Variants in PATJ observed in about 807,000 individuals in gnomAD.
The protein encoded by PATJ is inaD-like protein.
In PATJ, 190 loss-of-function variants were observed where a neutral mutation model predicts 224.9. That is an observed-to-expected ratio of 0.84 (90% CI 0.75 to 0.95). The LOEUF is 0.95. Ranked by LOEUF, PATJ falls within the 40% of genes least tolerant of loss-of-function variation. PATJ has a pLI of 0.00. For synonymous variants in PATJ, 769 were observed against 820.3 expected (o/e 0.94, Z 1.07); for missense variants, 2,121 against 2,270.3 (o/e 0.93, Z 1.34).
intron 43 of PATJ, among the ~76,000 whole-genome samples, chr1:62,156,154 T>C (rs1262449725): frequency 6.9e-6 from 1 of 144,020 alleles, no homozygotes; most frequent in Non-Finnish European, 1.5e-5. Flanking sequence ...GGCAGGAGAA[T>C]AACTTGAGCC....
intron 27 of PATJ, among the ~76,000 whole-genome samples, chr1:61,981,399 G>T (rs1557985260): frequency 6.6e-6 from 1 of 151,952 alleles, no homozygotes; most frequent in Admixed American, 6.5e-5. Flanking sequence ...GATATTTTAG[G>T]TAGTAAGGGG....
At chr1:62,090,293 G>A (rs561101986) in intron 33 of PATJ, among the ~76,000 whole-genome samples, 207 of 152,106 alleles carry the variant, frequency 1.4e-3, no homozygotes, top group African/African-American at 4.7e-3. Context: ...TGGTGGATGC[G>A]GCTCTTCTGT....
chr1:61,779,959 A>G lies in PATJ; in HGVS notation c.849+4625A>G, dbSNP rs571690447. On this transcript the variant is annotated intron_variant, in intron 7 of 43. Transcript: ENST00000642238. ...ATCAGAGTGAGAACTCACTGCACTA[A>G]GTAAACGCACTGCAGAGAACTCAGA... Among the ~76,000 whole-genome samples, 30 of 152,234 alleles carry G rather than the reference A, an allele frequency of 2.0e-4. 1 individual carries two copies. The South Asian group carries it at 6.2e-3, about 32-fold the overall frequency.
intron 18 of PATJ, among the ~76,000 whole-genome samples, chr1:61,858,930 G>A (rs1664129949): frequency 1.3e-5 from 2 of 152,254 alleles, no homozygotes; most frequent in East Asian, 1.9e-4. Flanking sequence ...TATTTGGTGT[G>A]GGTATTGCCG....
At chr1:62,040,012 A>G (rs548943051) in intron 30 of PATJ, among the ~76,000 whole-genome samples, 1 of 151,690 alleles carries the variant, frequency 6.6e-6, no homozygotes, top group South Asian at 2.1e-4. Context: ...TCCTTTCTGG[A>G]TCTCTCCCAA....
At position 62,038,834 on chromosome 1, in the gene PATJ, T is replaced by C. The variant is rs573590558; in HGVS notation, c.4032+785T>C. 630 of 697,580 alleles carry C rather than the reference T, an allele frequency of 9.0e-4. 1 individual carries two copies. The highest frequency in any genetic ancestry group is 1.2e-3 in the South Asian group (87 of 71,622). 43.2% of individuals were successfully genotyped at this position (697,580 alleles called of 1,614,324 possible). A position where few individuals can be genotyped will look rare whatever the true frequency, so the allele number is the denominator to read the frequency against. On this transcript the variant is annotated intron_variant, in intron 30 of 43. Coordinates refer to ENST00000642238, the MANE Select transcript of PATJ (RefSeq NM_001350145.3). The stretch of plus-strand genomic sequence containing the variant: ...CAGGGTTCTGGGCCGGGGTGGACGG[T>C]GGGTGGGATGGAGGCGACCTTGGAG...
intron 43 of PATJ, among the ~76,000 whole-genome samples, chr1:62,157,046 G>A (rs550209462): frequency 1.3e-5 from 2 of 152,006 alleles, no homozygotes; most frequent in Admixed American, 6.6e-5. Context: ...TCATTAGGCC[G>A]GGCACGGTGG....
chr1:61,987,597 C>T (rs1288209020), intron 27 of PATJ, among the ~76,000 whole-genome samples: 1 of 152,134 alleles, frequency 6.6e-6, no homozygotes, highest in African/African-American at 2.4e-5. Context: ...CTCAACCCCC[C>T]ATCCCTGGGG....
chr1:62,116,438 A>G (rs1664447583), intron 35 of PATJ, 94 bp from the exon 36 acceptor site: 1 of 1,376,452 alleles, frequency 7.3e-7, no homozygotes, highest in Middle Eastern at 2.3e-4. Context: ...AGAAGAAAGG[A>G]GCATATATGT....
At chr1:62,117,667 G>T (rs564304868) in intron 37 of PATJ, among the ~76,000 whole-genome samples, 3 of 152,274 alleles carry the variant, frequency 2.0e-5, no homozygotes, top group South Asian at 4.1e-4. Context: ...CAAGTGTGGG[G>T]GTTTTTCCTG....
intron 9 of PATJ, among the ~76,000 whole-genome samples, chr1:61,793,058 T>A (rs1441313791): frequency 2.0e-5 from 3 of 152,162 alleles, no homozygotes; most frequent in Non-Finnish European, 4.4e-5. Flanking sequence ...AGTTCTTTTT[T>A]AAAAATTATT....
chr1:61,897,559 T>G (rs2498996), intron 22 of PATJ, among the ~76,000 whole-genome samples: 1 of 152,028 alleles, frequency 6.6e-6, no homozygotes, highest in South Asian at 2.1e-4. Flanking sequence ...TGCCACCAAT[T>G]TCACCTGTGA....
chr1:62,048,545 C>CAAAAAAAAAAA (rs773157635), intron 30 of PATJ, among the ~76,000 whole-genome samples: 12 of 66,156 alleles, frequency 1.8e-4, no homozygotes, highest in Non-Finnish European at 2.6e-4. Flanking sequence ...GACTCTGTCT[C>CAAAAAAAAAAA]AAAAAAAAAA....
chr1:61,902,058 T>C (rs1671236849), intron 24 of PATJ, among the ~76,000 whole-genome samples: 1 of 151,928 alleles, frequency 6.6e-6, no homozygotes, highest in African/African-American at 2.4e-5. Context: ...CCCCATCTAC[T>C]AAAAATGCAA....
intron 22 of PATJ, among the ~76,000 whole-genome samples, chr1:61,884,625 A>T (rs1004147269): frequency 3.3e-5 from 5 of 152,166 alleles, no homozygotes; most frequent in African/African-American, 1.2e-4. Context: ...GGTGCACAAA[A>T]TGGATTAGAG....
chr1:61,796,706 C>CTT (rs1416713611), intron 10 of PATJ, among the ~76,000 whole-genome samples: 25 of 55,530 alleles, frequency 4.5e-4, no homozygotes, highest in African/African-American at 1.3e-3. Context: ...TTCTTTCTTT[C>CTT]TTTCTTTCTT....
At chr1:61,802,995 C>T (rs146137210) in intron 12 of PATJ, among the ~76,000 whole-genome samples, 1 of 152,086 alleles carries the variant, frequency 6.6e-6, no homozygotes, top group Non-Finnish European at 1.5e-5. Context: ...GGAAATTTAC[C>T]TTGTTCTTTT....
chr1:62,161,143 C>A lies in PATJ; in HGVS notation c.*89C>A. ...GAGTGGGTATGAAAAGCACCCTCAA[C>A]TAAAATGCACCTTCATTCTTATTTC... On this transcript the variant is annotated 3_prime_UTR_variant, in exon 44 of 44. Transcript: ENST00000642238. The A allele has an allele frequency of 1.0e-6, 1 of 1,001,296 alleles. No homozygotes were observed. The highest frequency in any genetic ancestry group is 1.3e-6 in the Non-Finnish European group (1 of 748,622). The allele number at this position is 1,001,296 out of a possible 1,614,324, so 62.0% of individuals were successfully genotyped here.
intron 24 of PATJ, 66 bp downstream of exon 24, chr1:61,901,525 C>A: frequency 8.5e-7 from 1 of 1,176,366 alleles, no homozygotes; most frequent in Non-Finnish European, 1.2e-6. Flanking sequence ...AATCATTTAG[C>A]TAGAAGACCT....
Sources: allele counts gnomAD v4.1 joint callset (sites outside exome capture counted in the v4.1 genomes callset), GRCh38; gene constraint gnomAD v4.1.1; transcripts MANE v1.5; gene names NCBI Gene and HGNC (gene_info 2026-07-23, HGNC 2026-07-21).